CACNB2: variants seen among roughly 807,000 people sequenced by gnomAD.
The protein encoded by CACNB2 is calcium voltage-gated channel auxiliary subunit beta 2, also known as voltage-dependent L-type calcium channel subunit beta-2.
Under a neutral mutation model 73.3 loss-of-function variants are expected in CACNB2, and 42 were observed. That is an observed-to-expected ratio of 0.57 (90% CI 0.45 to 0.74). The LOEUF is 0.74. CACNB2 is among the 30% of genes least tolerant of loss of function. The pLI is 0.00. For synonymous variants in CACNB2, 348 were observed against 310.3 expected (o/e 1.12, Z -1.28); for missense variants, 940 against 853.0 (o/e 1.10, Z -1.27).
chr10:18,489,852 G>C (rs1046628866), intron 3 of CACNB2, among the ~76,000 whole-genome samples: 1 of 152,110 alleles, frequency 6.6e-6, no homozygotes, highest in Non-Finnish European at 1.5e-5. Flanking sequence ...TGGAGACACA[G>C]TGTTGAACAA....
At chr10:18,503,588 AAAAC>A (rs1351457005) in intron 5 of CACNB2, among the ~76,000 whole-genome samples, 1 of 152,192 alleles carries the variant, frequency 6.6e-6, no homozygotes, top group Non-Finnish European at 1.5e-5. Context: ...TCTGTCTGAA[AAAAC>A]AAACAAAAAA....
chr10:18,329,995 C>T (rs1366699006), intron 2 of CACNB2, among the ~76,000 whole-genome samples: 1 of 152,038 alleles, frequency 6.6e-6, no homozygotes, highest in Non-Finnish European at 1.5e-5. Flanking sequence ...CACGCACCAC[C>T]CTGCCCGGCT....
At chr10:18,308,896 C>A (rs2039850053) in intron 2 of CACNB2, among the ~76,000 whole-genome samples, 1 of 152,200 alleles carries the variant, frequency 6.6e-6, no homozygotes, top group South Asian at 2.1e-4. Flanking sequence ...TGATGTCAGC[C>A]AGAAAATGAA....
At position 18,140,671 on chromosome 10, in the gene CACNB2, G is replaced by A; in HGVS notation, c.-66G>A. ...AGAGCCGATCAGAGCGCGGGGAGGC[G>A]GGGGCGAGGAGGAGGGGACCCGCCG... is the stretch of plus-strand genomic sequence containing the variant. On this transcript the variant is annotated 5_prime_UTR_variant, in exon 1 of 14. Coordinates refer to ENST00000324631, the MANE Select transcript of CACNB2 (RefSeq NM_201596.3). The A allele has an allele frequency of 7.1e-7, 1 of 1,403,508 alleles. No homozygotes were observed. Among genetic ancestry groups the A allele is most frequent in the Non-Finnish European group, 9.9e-7 (1 of 1,010,520 alleles). 86.9% of individuals were successfully genotyped at this position (1,403,508 alleles called of 1,614,324 possible).
chr10:18,454,165 T>C (rs563165144), intron 3 of CACNB2, among the ~76,000 whole-genome samples: 1 of 152,304 alleles, frequency 6.6e-6, no homozygotes, highest in South Asian at 2.1e-4. Context: ...GGTGCTTTGA[T>C]GGGAGAAGGG....
At chr10:18,208,333 G>A (rs2035179928) in intron 2 of CACNB2, among the ~76,000 whole-genome samples, 2 of 152,114 alleles carry the variant, frequency 1.3e-5, no homozygotes, top group African/African-American at 4.8e-5. Context: ...TTAATTAGTG[G>A]AATGTAGTGA....
chr10:18,515,992 C>A (rs576993847), intron 7 of CACNB2, among the ~76,000 whole-genome samples: 7 of 152,242 alleles, frequency 4.6e-5, no homozygotes, highest in Admixed American at 4.6e-4. Flanking sequence ...GCAGGTGCAT[C>A]ACCTGTGGTC....
At chr10:18,359,158 C>A (rs2042047714) in intron 2 of CACNB2, among the ~76,000 whole-genome samples, 1 of 151,966 alleles carries the variant, frequency 6.6e-6, no homozygotes, top group Admixed American at 6.6e-5. Flanking sequence ...ATTTTGCAGA[C>A]ATAACCTTAA....
intron 2 of CACNB2, among the ~76,000 whole-genome samples, chr10:18,286,327 T>G (rs551482665): frequency 6.6e-6 from 1 of 151,774 alleles, no homozygotes; most frequent in Admixed American, 6.6e-5. Context: ...CCATCCTGGC[T>G]AACACGGTGA....
At chr10:18,208,095 A>G (rs926356526) in intron 2 of CACNB2, among the ~76,000 whole-genome samples, 1 of 152,178 alleles carries the variant, frequency 6.6e-6, no homozygotes, top group African/African-American at 2.4e-5. Context: ...CTTTAACACA[A>G]ATGCTAAACC....
chr10:18,363,378 AC>A (rs2042220153), intron 2 of CACNB2, among the ~76,000 whole-genome samples: 1 of 151,684 alleles, frequency 6.6e-6, no homozygotes. Flanking sequence ...GTACCCAGTC[AC>A]CCCCGCTTTC....
intron 3 of CACNB2, among the ~76,000 whole-genome samples, chr10:18,465,605 T>A (rs1400482431): frequency 2.0e-5 from 3 of 152,062 alleles, no homozygotes; most frequent in Non-Finnish European, 2.9e-5. Context: ...CCAGGATGCA[T>A]GCAAAAGGAA....
intron 2 of CACNB2, among the ~76,000 whole-genome samples, chr10:18,383,010 G>A (rs906955922): frequency 3.3e-5 from 5 of 152,154 alleles, no homozygotes; most frequent in Admixed American, 6.5e-5. Context: ...AGGATGGCAC[G>A]GGTGCTGTTT....
chr10:18,248,588 A>G lies in CACNB2; in HGVS notation c.213+97613A>G, dbSNP rs554854623. ...CTTTGTCACTATGTAGCTCATAGCTAATTCAATATTAGGAGAAGTGAGCTT... is the reference window on the plus strand; with the variant it reads ...CTTTGTCACTATGTAGCTCATAGCTGATTCAATATTAGGAGAAGTGAGCTT... On this transcript the variant is annotated intron_variant, in intron 2 of 13. Coordinates refer to ENST00000324631, the MANE Select transcript of CACNB2 (RefSeq NM_201596.3). 2.6e-5 allele frequency among the ~76,000 whole-genome samples: 4 copies of G among 152,362 alleles called. No individual in the cohort carries two copies. In the South Asian group the frequency reaches 6.2e-4, roughly 24 times the overall value.
intron 2 of CACNB2, among the ~76,000 whole-genome samples, chr10:18,246,894 G>A (rs1199697123): frequency 6.6e-6 from 1 of 152,158 alleles, no homozygotes; most frequent in Non-Finnish European, 1.5e-5. Context: ...TTACAGGCAT[G>A]AGCCACCAGA....
intron 3 of CACNB2, among the ~76,000 whole-genome samples, chr10:18,428,868 CTGA>C (rs2045740097): frequency 6.6e-6 from 1 of 152,148 alleles, no homozygotes; most frequent in South Asian, 2.1e-4. Flanking sequence ...GCATTTAAGG[CTGA>C]TAACTCCTAC....
intron 2 of CACNB2, among the ~76,000 whole-genome samples, chr10:18,348,167 G>A (rs1425943024): frequency 2.0e-5 from 3 of 152,152 alleles, no homozygotes; most frequent in African/African-American, 7.2e-5. Flanking sequence ...AACATAACAA[G>A]ATAAAAACAC....
chr10:18,233,356 G>C (rs59462087), intron 2 of CACNB2, among the ~76,000 whole-genome samples: 2,759 of 152,138 alleles, frequency 0.018, 49 homozygotes, highest in African/African-American at 0.042. Flanking sequence ...ACTTTTCTAT[G>C]TTTAGTGACC....
chr10:18,423,693 A>G (rs549884284), intron 3 of CACNB2, among the ~76,000 whole-genome samples: 1 of 152,314 alleles, frequency 6.6e-6, no homozygotes, highest in South Asian at 2.1e-4. Flanking sequence ...AAGAGAATAT[A>G]TAGTAACATA....
Sources: allele counts gnomAD v4.1 joint callset (sites outside exome capture counted in the v4.1 genomes callset), GRCh38; gene constraint gnomAD v4.1.1; transcripts MANE v1.5; gene names NCBI Gene and HGNC (gene_info 2026-07-23, HGNC 2026-07-21).